The following MROH1 variants were observed in gnomAD, a reference collection of about 807,000 sequenced individuals.
MROH1 encodes maestro heat like repeat family member 1.
A neutral mutation model predicts 116.5 loss-of-function variants in MROH1; 117 were observed. The observed-to-expected ratio is 1.00, with a 90% CI of 0.86 to 1.17. The LOEUF is 1.17. Ranked by LOEUF, MROH1 falls within the 50% of genes most tolerant of loss-of-function variation. MROH1 has a pLI of 0.00. For missense variants in MROH1, 1,873 were observed against 1,338.5 expected, an observed-to-expected ratio of 1.40 and a Z score of -6.23; for synonymous variants, 921 against 583.9, an observed-to-expected ratio of 1.58 and a Z score of -8.32.
intron 14 of MROH1, among the ~76,000 whole-genome samples, chr8:144,231,802 C>A (rs1408101504): frequency 6.6e-6 from 1 of 152,224 alleles, no homozygotes; most frequent in Non-Finnish European, 1.5e-5. Flanking sequence ...CTGCCCCAGA[C>A]CTTCCACTTG....
chr8:144,259,618 GACAGGGC>G (rs1844599326), intron 37 of MROH1, among the ~76,000 whole-genome samples: 2 of 152,250 alleles, frequency 1.3e-5, no homozygotes, highest in Non-Finnish European at 2.9e-5. Context: ...TTTGTAGCTG[GACAGGGC>G]TGGCCCCTGG....
At chr8:144,151,374 G>A (rs1045421991) in intron 1 of MROH1, among the ~76,000 whole-genome samples, 45 of 149,506 alleles carry the variant, frequency 3.0e-4, no homozygotes, top group African/African-American at 1.0e-3. Flanking sequence ...AGGGGAACAC[G>A]CCAGTGGAAG....
chr8:144,200,638 C>T, intron 12 of MROH1, 97 bp downstream of exon 12: 2 of 900,084 alleles, frequency 2.2e-6, no homozygotes, highest in East Asian at 5.3e-5. Flanking sequence ...AAGCACCATC[C>T]TGCTTTGAAT....
In MROH1 at chr8:144,191,871, GC is replaced by G; in HGVS notation, c.855+17del. 6.2e-7 allele frequency: 1 copy of G among 1,612,730 alleles called. No homozygotes were observed. The highest frequency in any genetic ancestry group is 8.5e-7 in the Non-Finnish European group (1 of 1,179,810). Reference sequence around the variant, plus strand: ...CTTGTCCAAGGTATCTGCAGGCAGGGCAGGTCTACTGTCCCCGAGGACCCCT... The same window carrying G: ...CTTGTCCAAGGTATCTGCAGGCAGGGAGGTCTACTGTCCCCGAGGACCCCT... On this transcript the variant is annotated intron_variant, in intron 9 of 43. Coordinates refer to ENST00000326134, the MANE Select transcript of MROH1 (RefSeq NM_032450.3).
At chr8:144,213,282 T>C in intron 12 of MROH1, 1 of 579,140 alleles carries the variant, frequency 1.7e-6, no homozygotes, top group Non-Finnish European at 3.1e-6. Context: ...TGGGAAGAGC[T>C]CATGGGAACA....
intron 10 of MROH1, chr8:144,193,147 GA>G: frequency 6.3e-6 from 1 of 159,450 alleles, no homozygotes; most frequent in East Asian, 1.9e-4. Flanking sequence ...GGGAAGAGGG[GA>G]CGGCAGCCAC....
At chr8:144,193,968 T>C (rs28637436) in intron 10 of MROH1, among the ~76,000 whole-genome samples, 143 of 152,284 alleles carry the variant, frequency 9.4e-4, no homozygotes, top group African/African-American at 3.3e-3. Flanking sequence ...GCAAGGCCTA[T>C]CCAGCATGCA....
rs1374124122 is a variant in MROH1 at position 144,260,256 on chromosome 8, G to A, written c.4262G>A (p.Ser1421Asn). 2.6e-6 allele frequency: 2 copies of A among 766,224 alleles called. No individual in the cohort carries two copies. Among genetic ancestry groups the A allele is most frequent in the African/African-American group, 3.4e-5 (2 of 59,084 alleles). The allele number at this position is 766,224 out of a possible 1,614,324, so 47.5% of individuals were successfully genotyped here. A position where few individuals can be genotyped will look rare whatever the true frequency, so the allele number is the denominator to read the frequency against. The part of the protein sequence containing the change: ...GGLDDGDNPH[S>N]PVALEAMLGL... ...CTGGACGACGGGGACAACCCTCACAGCCCAGTGGCCCTGGAGGCCATGCTG... is the reference window on the plus strand; with the variant it reads ...CTGGACGACGGGGACAACCCTCACAACCCAGTGGCCCTGGAGGCCATGCTG... Residue 1421 changes from serine to asparagine, a missense_variant, in exon 39 of 44, where the codon AGC becomes AAC. By Grantham distance (46) the Ser-to-Asn change is conservative (BLOSUM62 1). Coordinates refer to ENST00000326134, the MANE Select transcript of MROH1 (RefSeq NM_032450.3).
At chr8:144,156,822 C>T (rs1162718861) in intron 1 of MROH1, among the ~76,000 whole-genome samples, 4 of 145,118 alleles carry the variant, frequency 2.8e-5, no homozygotes, top group Non-Finnish European at 6.0e-5. Flanking sequence ...CTCATTCTGT[C>T]CCCAGGCTTG....
intron 1 of MROH1, among the ~76,000 whole-genome samples, chr8:144,160,101 G>A (rs754050904): frequency 2.0e-5 from 3 of 152,174 alleles, no homozygotes; most frequent in African/African-American, 4.8e-5. Flanking sequence ...GATGCCAGGC[G>A]TTGCTTTTGC....
At chr8:144,179,104 GCTC>G (rs1164640782) in intron 4 of MROH1, among the ~76,000 whole-genome samples, 1 of 152,068 alleles carries the variant, frequency 6.6e-6, no homozygotes, top group Non-Finnish European at 1.5e-5. Flanking sequence ...ACAGGAGTGT[GCTC>G]CTCCTCTGAC....
intron 4 of MROH1, among the ~76,000 whole-genome samples, chr8:144,177,895 G>A (rs1432787734): frequency 2.0e-5 from 3 of 151,828 alleles, no homozygotes; most frequent in Non-Finnish European, 4.4e-5. Context: ...CATGCTTCCT[G>A]TACAGCCTGC....
rs962141023 is a variant in MROH1 at position 144,254,963 on chromosome 8, G to A, written c.3579G>A (p.Thr1193=). The A allele has an allele frequency of 3.8e-5, 29 of 768,446 alleles. No homozygotes were observed. The highest frequency in any genetic ancestry group is 3.2e-4 in the African/African-American group (19 of 58,942). 47.6% of individuals were successfully genotyped at this position (768,446 alleles called of 1,614,324 possible). The change falls in exon 34 of 44, where the codon ACG becomes ACA. Residue 1193 remains threonine, a synonymous_variant. Coordinates refer to ENST00000326134, the MANE Select transcript of MROH1 (RefSeq NM_032450.3). ...LLGRTPDRVA[T]LLPLSATCAL... ...GCCGCACCCCAGACCGCGTGGCCAC[G>A]CTGCTGCCTCTCTCGGTGAGTCGGG...
intron 4 of MROH1, among the ~76,000 whole-genome samples, chr8:144,168,755 A>G (rs1821660156): frequency 6.6e-6 from 1 of 152,154 alleles, no homozygotes; most frequent in Non-Finnish European, 1.5e-5. Context: ...GGGACAGACC[A>G]TGGTCCCTGC....
intron 14 of MROH1, among the ~76,000 whole-genome samples, chr8:144,237,460 T>A (rs1840250453): frequency 6.6e-6 from 1 of 152,164 alleles, no homozygotes; most frequent in Non-Finnish European, 1.5e-5. Flanking sequence ...GAGCTATTGG[T>A]CTCTTGTTTC....
chr8:144,182,764 G>A lies in MROH1; in HGVS notation c.562+2241G>A, dbSNP rs1826001354. Among the ~76,000 whole-genome samples the A allele has an allele frequency of 6.6e-6, 1 of 152,130 alleles. No individual in the cohort carries two copies. Among genetic ancestry groups the A allele is most frequent in the Non-Finnish European group, 1.5e-5 (1 of 68,016 alleles). ...TAGAAAGAATGGACAGAGATGGGAG[G>A]TCAAGAGATGACGCAAAGGCATGCC... On this transcript the variant is annotated intron_variant, in intron 7 of 43. Transcript: ENST00000326134. This position sits in a 1 kb window ranked among gnomAD's most constrained non-coding sequence, Gnocchi z 4.1.
At chr8:144,242,581 A>C (rs1194618556) in intron 23 of MROH1, 21 bp from the exon 24 acceptor site, 1 of 780,188 alleles carries the variant, frequency 1.3e-6, no homozygotes, top group Non-Finnish European at 2.4e-6. Flanking sequence ...GTCTTAACTC[A>C]TTTCACTTTT....
intron 12 of MROH1, among the ~76,000 whole-genome samples, chr8:144,203,721 C>T (rs955812900): frequency 9.2e-5 from 14 of 152,158 alleles, no homozygotes; most frequent in African/African-American, 3.4e-4. Flanking sequence ...GCGTCAGCAG[C>T]ATGCACTCAG....
At chr8:144,213,981 G>A (rs1564492494) in intron 12 of MROH1, 1 of 152,016 alleles carries the variant, frequency 6.6e-6, no homozygotes, top group African/African-American at 2.4e-5. Flanking sequence ...TCCAAAAGAT[G>A]TTCTTCTTTT....
Sources: gnomAD v4.1 joint callset for allele counts (sites outside exome capture counted in the v4.1 genomes callset) on GRCh38, gnomAD v4.1.1 for gene constraint, Gnocchi (gnomAD v3.1) non-coding constraint, MANE v1.5 for transcripts, NCBI Gene and HGNC (gene_info 2026-07-23, HGNC 2026-07-21) for gene names.